Variants in SLC24A2 observed in about 807,000 individuals in gnomAD.
The protein encoded by SLC24A2 is sodium/potassium/calcium exchanger 2.
In SLC24A2, 36 loss-of-function variants were observed where a neutral mutation model predicts 62.0. The observed-to-expected ratio is 0.58, with a 90% CI of 0.44 to 0.77. The LOEUF (loss-of-function observed/expected upper bound fraction) is 0.77, where lower values mean the gene tolerates loss of function less well. Among genes scored for constraint, SLC24A2 ranks in the 30% least tolerant of loss-of-function variants. The pLI is 0.00. For missense variants in SLC24A2, 846 were observed against 817.9 expected (o/e 1.03, Z -0.42); for synonymous variants, 358 against 294.0 (o/e 1.22, Z -2.23).
At chr9:20,210,008 C>T in the SLC24A2 span, among the ~76,000 whole-genome samples, 7 of 152,266 alleles carry the variant, frequency 4.6e-5, no homozygotes, top group African/African-American at 1.4e-4. Flanking sequence ...TTTTTAAAAC[C>T]TGCAGACAGC....
At chr9:19,761,269 CCCA>C (rs768885878) in intron 2 of SLC24A2, among the ~76,000 whole-genome samples, 1 of 152,126 alleles carries the variant, frequency 6.6e-6, no homozygotes, top group East Asian at 1.9e-4. Flanking sequence ...AATTTACACT[CCCA>C]CCAACAGTGT....
chr9:19,729,774 G>C (rs1171678230), intron 2 of SLC24A2, among the ~76,000 whole-genome samples: 1 of 152,240 alleles, frequency 6.6e-6, no homozygotes, highest in South Asian at 2.1e-4. Context: ...ATTAGAGCTA[G>C]AGACCTGGAA....
chr9:19,750,828 C>G (rs1821961512), intron 2 of SLC24A2, among the ~76,000 whole-genome samples: 1 of 152,168 alleles, frequency 6.6e-6, no homozygotes, highest in South Asian at 2.1e-4. Flanking sequence ...TGTCTGCCAT[C>G]TGATGCTCTT....
the SLC24A2 span, among the ~76,000 whole-genome samples, chr9:19,958,467 C>A: frequency 1.3e-5 from 2 of 152,208 alleles, no homozygotes; most frequent in Non-Finnish European, 2.9e-5. Context: ...CTTTATGGTG[C>A]AGTCAGGACC....
At chr9:19,524,305 A>G (rs1293629986) in intron 9 of SLC24A2, among the ~76,000 whole-genome samples, 1 of 151,866 alleles carries the variant, frequency 6.6e-6, no homozygotes, top group Non-Finnish European at 1.5e-5. Context: ...CTTAAAATTA[A>G]TTTCTAATAT....
the SLC24A2 span, among the ~76,000 whole-genome samples, chr9:20,030,810 G>C: frequency 6.6e-6 from 1 of 152,132 alleles, no homozygotes; most frequent in East Asian, 1.9e-4. Flanking sequence ...GTCCTCTTAG[G>C]AAACTACCAG....
chr9:19,884,503 GA>G, the SLC24A2 span, among the ~76,000 whole-genome samples: 1 of 152,124 alleles, frequency 6.6e-6, no homozygotes, highest in Non-Finnish European at 1.5e-5. Flanking sequence ...TTTTCATTGT[GA>G]AATCTGTATT....
chr9:19,614,420 C>G (rs371084580), intron 4 of SLC24A2, among the ~76,000 whole-genome samples: 2 of 152,160 alleles, frequency 1.3e-5, no homozygotes, highest in African/African-American at 4.8e-5. Context: ...CTTTGTCCCC[C>G]CTACATAATG....
chr9:20,260,519 C>G, the SLC24A2 span, among the ~76,000 whole-genome samples: 1 of 152,206 alleles, frequency 6.6e-6, no homozygotes, highest in Non-Finnish European at 1.5e-5. Context: ...TATCAATTTT[C>G]AATTTCATTT....
intron 2 of SLC24A2, among the ~76,000 whole-genome samples, chr9:19,645,472 T>C (rs758406222): frequency 1.3e-5 from 2 of 152,200 alleles, no homozygotes; most frequent in Non-Finnish European, 2.9e-5. Context: ...TATGTTGTAG[T>C]AAATTCTTCA....
chr9:19,721,455 G>T (rs536916610), intron 2 of SLC24A2, among the ~76,000 whole-genome samples: 1 of 152,088 alleles, frequency 6.6e-6, no homozygotes, highest in Non-Finnish European at 1.5e-5. Context: ...AACAAAAGAA[G>T]AGAAGACAGA....
intron 2 of SLC24A2, among the ~76,000 whole-genome samples, chr9:19,638,789 TTAA>T (rs1218146142): frequency 6.6e-5 from 10 of 151,722 alleles, no homozygotes; most frequent in Admixed American, 1.3e-4. Context: ...TAAGATGACA[TTAA>T]ATAAGATGAC....
chr9:19,843,839 T>C, the SLC24A2 span, among the ~76,000 whole-genome samples: 2 of 152,194 alleles, frequency 1.3e-5, no homozygotes, highest in African/African-American at 2.4e-5. Context: ...TTCATGTTGC[T>C]GCAAAGGACA....
At chr9:19,857,859 C>A in the SLC24A2 span, among the ~76,000 whole-genome samples, 3 of 151,690 alleles carry the variant, frequency 2.0e-5, no homozygotes, top group Non-Finnish European at 4.4e-5. Flanking sequence ...AGTCTGGGTA[C>A]TGTTGCTATA....
chr9:20,223,004 C>A, the SLC24A2 span, among the ~76,000 whole-genome samples: 1 of 151,704 alleles, frequency 6.6e-6, no homozygotes, highest in Non-Finnish European at 1.5e-5. Flanking sequence ...ATATGATTAT[C>A]TAGGAAATAA....
chr9:20,233,331 A>T, the SLC24A2 span, among the ~76,000 whole-genome samples: 1 of 152,054 alleles, frequency 6.6e-6, no homozygotes, highest in African/African-American at 2.4e-5. Context: ...TGGGGTGTTA[A>T]AGTCTCCCAT....
the SLC24A2 span, among the ~76,000 whole-genome samples, chr9:19,852,434 A>G: frequency 2.0e-5 from 3 of 152,094 alleles, no homozygotes; most frequent in African/African-American, 7.2e-5. Flanking sequence ...ATTTTCTTCT[A>G]GGGTTTTTAT....
chr9:19,673,748 A>C (rs79374720), intron 2 of SLC24A2, among the ~76,000 whole-genome samples: 3,540 of 152,112 alleles, frequency 0.023, 82 homozygotes, highest in East Asian at 0.092. Context: ...CTGCGCCCAG[A>C]CGTGAGTTCT....
chr9:20,129,462 AC>A, the SLC24A2 span, among the ~76,000 whole-genome samples: 4 of 152,124 alleles, frequency 2.6e-5, no homozygotes, highest in Non-Finnish European at 4.4e-5. Context: ...AGAAGTTCAA[AC>A]AAAAACTTGT....
Sources: gnomAD v4.1 joint callset for allele counts (sites outside exome capture counted in the v4.1 genomes callset) on GRCh38, gnomAD v4.1.1 for gene constraint, MANE v1.5 for transcripts, NCBI Gene and HGNC (gene_info 2026-07-23, HGNC 2026-07-21) for gene names.